Variants in DACH2 observed in about 807,000 individuals in gnomAD.
DACH2 encodes dachshund homolog 2.
DACH2 carries 17 observed loss-of-function variants against 35.8 expected under a neutral mutation model. The ratio of observed to expected loss-of-function variants is 0.48; its 90% CI spans 0.33 to 0.71. DACH2 has a LOEUF of 0.71. Among genes scored for constraint, DACH2 ranks in the 30% least tolerant of loss-of-function variants. The pLI is 0.02. For synonymous variants in DACH2, 195 were observed against 177.3 expected, an observed-to-expected ratio of 1.10 and a Z score of -0.79; for missense variants, 469 against 472.7, an observed-to-expected ratio of 0.99 and a Z score of 0.07.
chrX:86,523,732 G>A lies in DACH2; in HGVS notation c.640+9341G>A, dbSNP rs905771856. Among the ~76,000 whole-genome samples the A allele has an allele frequency of 6.4e-5, 7 of 110,022 alleles. No individual in the cohort carries two copies. The Admixed American group carries it at 6.9e-4, about 11-fold the overall frequency. ...GATCGCAGGATAAGTCGAATCCTAA[G>A]TCATGAATCTGGGTGGGGTCAGGCT... On this transcript the variant is annotated intron_variant, in intron 3 of 11. Coordinates refer to ENST00000373125, the MANE Select transcript of DACH2 (RefSeq NM_053281.3).
rs1034029889 is a variant in DACH2 at position 86,211,112 on chromosome X, G to A, written c.488+62004G>A. 3.6e-5 allele frequency among the ~76,000 whole-genome samples: 4 copies of A among 111,068 alleles called. No homozygotes were observed. The Admixed American group carries it at 3.8e-4, about 11-fold the overall frequency. ...GTTCTGTTATTGATAGGTGACCTTG[G>A]GGCTTTTCTTTTCTGATGAGCCACA... On this transcript the variant is annotated intron_variant, in intron 1 of 11. Transcript: ENST00000373125.
chrX:86,354,884 A>G (rs1402457285), intron 1 of DACH2, among the ~76,000 whole-genome samples: 1 of 111,071 alleles, frequency 9.0e-6, no homozygotes, highest in Non-Finnish European at 1.9e-5. Context: ...ATAAAACACT[A>G]CAGTTATTTC....
intron 2 of DACH2, among the ~76,000 whole-genome samples, chrX:86,395,391 TTTA>T (rs1181132525): frequency 2.7e-5 from 3 of 111,003 alleles, no homozygotes; most frequent in South Asian, 3.7e-4. Flanking sequence ...TTATTTTTAT[TTTA>T]TTATTATTAT....
At chrX:86,227,356 A>G (rs2032848531) in intron 1 of DACH2, among the ~76,000 whole-genome samples, 1 of 111,592 alleles carries the variant, frequency 9.0e-6, no homozygotes, top group South Asian at 3.7e-4. Context: ...ACCCTTTGGT[A>G]TGTTTACTCA....
chrX:86,771,274 G>A (rs1327918269), intron 7 of DACH2, among the ~76,000 whole-genome samples: 1 of 112,483 alleles, frequency 8.9e-6, no homozygotes, highest in Non-Finnish European at 1.9e-5. Context: ...GAATGAAAAT[G>A]ATACTCCATG....
At chrX:86,677,903 A>G (rs908679754) in intron 4 of DACH2, among the ~76,000 whole-genome samples, 6 of 111,962 alleles carry the variant, frequency 5.4e-5, no homozygotes, top group African/African-American at 1.6e-4. Flanking sequence ...GTTGCATCAG[A>G]GTCTTAATCC....
intron 1 of DACH2, among the ~76,000 whole-genome samples, chrX:86,291,191 G>A (rs1602364351): frequency 9.2e-6 from 1 of 109,235 alleles, no homozygotes; most frequent in African/African-American, 3.4e-5. Flanking sequence ...AAGCAATTGT[G>A]AATGAGAGTT....
rs2042621459 is a variant in DACH2, at chrX:86,832,346, T to A, written c.*191T>A. ...AAAGCAATGATGTAAACTTTGTTCTTGCATTAGACTGACCAGTTTAAAAAT... is the reference window on the plus strand; with the variant it reads ...AAAGCAATGATGTAAACTTTGTTCTAGCATTAGACTGACCAGTTTAAAAAT... On this transcript the variant is annotated 3_prime_UTR_variant, in exon 12 of 12. Transcript: ENST00000373125. 5.1e-6 allele frequency: 2 copies of A among 394,556 alleles called. No homozygotes were observed. Among genetic ancestry groups the A allele is most frequent in the Non-Finnish European group, 8.6e-6 (2 of 232,395 alleles). 32.5% of individuals were successfully genotyped at this position (394,556 alleles called of 1,213,427 possible). A position where few individuals can be genotyped will look rare whatever the true frequency, so the allele number is the denominator to read the frequency against.
chrX:86,533,533 T>C (rs1202499258), intron 3 of DACH2, among the ~76,000 whole-genome samples: 1 of 112,127 alleles, frequency 8.9e-6, no homozygotes, highest in Non-Finnish European at 1.9e-5. Flanking sequence ...TGCATGCTCT[T>C]CACTCTGTTT....
chrX:86,729,393 A>G (rs771557049), intron 6 of DACH2, among the ~76,000 whole-genome samples: 7 of 111,880 alleles, frequency 6.3e-5, no homozygotes, highest in East Asian at 2.8e-4. Context: ...TAAGTAACCA[A>G]TTAGTTTTAT....
intron 3 of DACH2, among the ~76,000 whole-genome samples, chrX:86,626,644 G>A (rs1046359142): frequency 8.0e-5 from 9 of 113,168 alleles, no homozygotes; most frequent in Non-Finnish European, 9.4e-5. Context: ...CTGAAATCTA[G>A]GTGGAGGTTC....
At chrX:86,724,962 C>T (rs1230809369) in intron 6 of DACH2, among the ~76,000 whole-genome samples, 1 of 107,505 alleles carries the variant, frequency 9.3e-6, no homozygotes, top group Non-Finnish European at 1.9e-5. Flanking sequence ...TTGGTCTTGT[C>T]TATCACTGAA....
chrX:86,752,623 G>T (rs1444531072), intron 7 of DACH2, among the ~76,000 whole-genome samples: 2 of 111,177 alleles, frequency 1.8e-5, no homozygotes, highest in African/African-American at 6.5e-5. Context: ...TTGATTTTTT[G>T]CAGGAATCAT....
chrX:86,152,136 C>T (rs1255019663), intron 1 of DACH2, among the ~76,000 whole-genome samples: 1 of 111,793 alleles, frequency 8.9e-6, no homozygotes, highest in African/African-American at 3.3e-5. Flanking sequence ...TCATCTTCAT[C>T]GCTTGATGGA....
intron 1 of DACH2, among the ~76,000 whole-genome samples, chrX:86,265,978 T>C (rs1168613178): frequency 8.9e-6 from 1 of 111,862 alleles, no homozygotes; most frequent in Non-Finnish European, 1.9e-5. Context: ...TGTGTATATA[T>C]GATTTGTGTC....
At chrX:86,576,356 A>G (rs1454799065) in intron 3 of DACH2, among the ~76,000 whole-genome samples, 1 of 112,064 alleles carries the variant, frequency 8.9e-6, no homozygotes, top group African/African-American at 3.2e-5. Context: ...ATTTTACTCT[A>G]ACTTTATAAG....
chrX:86,776,708 G>A (rs2042036119), intron 7 of DACH2, among the ~76,000 whole-genome samples: 1 of 110,811 alleles, frequency 9.0e-6, no homozygotes, highest in Non-Finnish European at 1.9e-5. Flanking sequence ...ATTTACATTA[G>A]GTATATCTCC....
intron 7 of DACH2, among the ~76,000 whole-genome samples, chrX:86,765,025 T>C (rs1320892894): frequency 8.9e-6 from 1 of 112,218 alleles, no homozygotes; most frequent in African/African-American, 3.2e-5. Flanking sequence ...CTTGTATGTC[T>C]TCTTTTGAGA....
At chrX:86,332,469 CA>C (rs2035231159) in intron 1 of DACH2, among the ~76,000 whole-genome samples, 1 of 111,503 alleles carries the variant, frequency 9.0e-6, no homozygotes, top group Non-Finnish European at 1.9e-5. Context: ...CGGTCTTTAC[CA>C]TTGAACTCAA....
Sources: allele counts gnomAD v4.1 joint callset (sites outside exome capture counted in the v4.1 genomes callset), GRCh38; gene constraint gnomAD v4.1.1; transcripts MANE v1.5; gene names NCBI Gene and HGNC (gene_info 2026-07-23, HGNC 2026-07-21).